MOSMO: variants seen among roughly 807,000 people sequenced by gnomAD.
MOSMO encodes modulator of smoothened.
In MOSMO, 5 loss-of-function variants were observed where a neutral mutation model predicts 18.4. That is an observed-to-expected ratio of 0.27 (90% confidence interval 0.14 to 0.57). MOSMO has a LOEUF of 0.57. MOSMO is among the 20% of genes least tolerant of loss of function. MOSMO has a pLI of 0.92. For missense variants in MOSMO, 138 were observed against 211.8 expected, an observed-to-expected ratio of 0.65 and a Z score of 2.16; for synonymous variants, 82 against 82.3, an observed-to-expected ratio of 1.00 and a Z score of 0.02.
chr16:22,072,029 G>A (rs1365388129), intron 1 of MOSMO, among the ~76,000 whole-genome samples: 1 of 152,158 alleles, frequency 6.6e-6, no homozygotes, highest in Non-Finnish European at 1.5e-5. Flanking sequence ...AGTGGAAGGT[G>A]CAGTTCCCTC....
intron 1 of MOSMO, among the ~76,000 whole-genome samples, chr16:22,072,056 T>A (rs1404750835): frequency 6.6e-6 from 1 of 152,170 alleles, no homozygotes; most frequent in African/African-American, 2.4e-5. Flanking sequence ...AAAGCTCATG[T>A]CCTGTTTGGG....
intron 1 of MOSMO, among the ~76,000 whole-genome samples, chr16:22,032,705 C>T (rs892493389): frequency 1.3e-5 from 2 of 152,082 alleles, no homozygotes; most frequent in Non-Finnish European, 2.9e-5. Context: ...CATTACTCTG[C>T]CCATCTAACT....
At chr16:22,051,050 A>G (rs1249018786) in intron 1 of MOSMO, among the ~76,000 whole-genome samples, 1 of 152,150 alleles carries the variant, frequency 6.6e-6, no homozygotes, top group Non-Finnish European at 1.5e-5. Context: ...CCTTTCCAAA[A>G]GTATGGTACA....
At chr16:22,075,720 A>G in intron 2 of MOSMO, 21 bp downstream of exon 2, 3 of 1,360,002 alleles carry the variant, frequency 2.2e-6, no homozygotes, top group Non-Finnish European at 2.9e-6. Flanking sequence ...TGTGCTTACT[A>G]AATTTGTCTA....
At chr16:22,024,836 TAG>T (rs1899843105) in intron 1 of MOSMO, among the ~76,000 whole-genome samples, 1 of 152,124 alleles carries the variant, frequency 6.6e-6, no homozygotes, top group African/African-American at 2.4e-5. Context: ...GGACAGACTG[TAG>T]AGCCTAGGTT....
intron 1 of MOSMO, among the ~76,000 whole-genome samples, chr16:22,019,777 CAAG>C (rs1282179204): frequency 6.6e-6 from 1 of 152,056 alleles, no homozygotes; most frequent in Non-Finnish European, 1.5e-5. Context: ...GTAGGATATG[CAAG>C]AAGAAAGGGA....
intron 1 of MOSMO, among the ~76,000 whole-genome samples, chr16:22,063,534 C>T (rs1900691377): frequency 1.3e-5 from 2 of 152,140 alleles, no homozygotes; most frequent in African/African-American, 2.4e-5. Context: ...AGCCAAGTTT[C>T]CTTGGAGATA....
At chr16:22,088,079 A>G (rs1474886192), downstream of MOSMO, among the ~76,000 whole-genome samples, 2 of 151,938 alleles carry the variant, frequency 1.3e-5, no homozygotes, top group Non-Finnish European at 2.9e-5. Flanking sequence ...CCCAGACTGG[A>G]GTAAGTGCAA....
intron 1 of MOSMO, among the ~76,000 whole-genome samples, chr16:22,066,504 T>G (rs1242084432): frequency 6.6e-6 from 1 of 152,094 alleles, no homozygotes; most frequent in African/African-American, 2.4e-5. Context: ...CTACCTGATT[T>G]AGGACTCAAT....
intron 1 of MOSMO, among the ~76,000 whole-genome samples, chr16:22,064,985 T>C (rs1257950735): frequency 2.0e-5 from 3 of 152,244 alleles, no homozygotes; most frequent in African/African-American, 7.2e-5. Context: ...GCTTCAATAA[T>C]TGGCAGAGTC....
At chr16:22,071,269 G>T (rs954824121) in intron 1 of MOSMO, among the ~76,000 whole-genome samples, 2 of 152,198 alleles carry the variant, frequency 1.3e-5, no homozygotes, top group Non-Finnish European at 1.5e-5. Context: ...GGAGGAAAAC[G>T]TAACAGGGAG....
rs535652740 is a variant in MOSMO, at chr16:22,011,932, TAAA to T, written c.106+3542_106+3544del. Among the ~76,000 whole-genome samples the T allele has an allele frequency of 5.6e-4, 67 of 120,540 alleles. No homozygotes were observed. The Admixed American group carries it at 5.6e-3, about 10-fold the overall frequency. The allele number at this position is 120,540 out of a possible 152,430, so 79.1% of individuals were successfully genotyped here. A position where few individuals can be genotyped will look rare whatever the true frequency, so the allele number is the denominator to read the frequency against. ...TGAGCAGGCAGATGTAGTCCTGAGT[TAAA>T]AAAAAAAAAAAAAAAAGTGCAGAGT... On this transcript the variant is annotated intron_variant, in intron 1 of 2. Coordinates refer to ENST00000542527, the MANE Select transcript of MOSMO (RefSeq NM_001164579.2).
intron 1 of MOSMO, among the ~76,000 whole-genome samples, chr16:22,055,051 C>T (rs1269410949): frequency 6.6e-6 from 1 of 151,422 alleles, no homozygotes; most frequent in Non-Finnish European, 1.5e-5. Context: ...GTCAGGAATT[C>T]TCTTAATAGT....
At chr16:22,051,918 A>G (rs948059881) in intron 1 of MOSMO, among the ~76,000 whole-genome samples, 16 of 151,932 alleles carry the variant, frequency 1.1e-4, no homozygotes, top group African/African-American at 3.6e-4. Flanking sequence ...TGGGGGAGAA[A>G]CCCCACGCAT....
chr16:22,014,234 G>C (rs1285267818), intron 1 of MOSMO, among the ~76,000 whole-genome samples: 2 of 152,156 alleles, frequency 1.3e-5, no homozygotes, highest in Non-Finnish European at 2.9e-5. Context: ...ACCTGACAAG[G>C]ATTGAGTGAG....
At chr16:22,080,204 G>A (rs1190497034) in intron 2 of MOSMO, among the ~76,000 whole-genome samples, 2 of 152,164 alleles carry the variant, frequency 1.3e-5, no homozygotes, top group African/African-American at 4.8e-5. Context: ...TAACTATTGT[G>A]ATAATGGTAT....
chr16:22,059,485 A>G (rs1028002329), intron 1 of MOSMO, among the ~76,000 whole-genome samples: 2 of 152,186 alleles, frequency 1.3e-5, no homozygotes, highest in African/African-American at 4.8e-5. Context: ...TCACACTGCT[A>G]TAAAGAAATA....
chr16:22,090,436 A>T (rs963080307), downstream of MOSMO, among the ~76,000 whole-genome samples: 1 of 152,100 alleles, frequency 6.6e-6, no homozygotes, highest in African/African-American at 2.4e-5. Flanking sequence ...TTTCCTCATG[A>T]CATTAAACAC....
intron 1 of MOSMO, among the ~76,000 whole-genome samples, chr16:22,051,255 G>A (rs1373179111): frequency 6.6e-6 from 1 of 151,882 alleles, no homozygotes; most frequent in Non-Finnish European, 1.5e-5. Context: ...GAGCATGGTG[G>A]TGCACACTTG....
Sources: allele counts gnomAD v4.1 joint callset (sites outside exome capture counted in the v4.1 genomes callset), GRCh38; gene constraint gnomAD v4.1.1; transcripts MANE v1.5; gene names NCBI Gene and HGNC (gene_info 2026-07-23, HGNC 2026-07-21).